TMEM175: variants seen among roughly 807,000 people sequenced by gnomAD.
The protein encoded by TMEM175 is endosomal/lysosomal proton channel TMEM175.
A neutral mutation model predicts 36.5 loss-of-function variants in TMEM175; 36 were observed. That is an observed-to-expected ratio of 0.99 (90% confidence interval 0.76 to 1.30). The LOEUF (loss-of-function observed/expected upper bound fraction) is 1.30. Among genes scored for constraint, TMEM175 ranks in the 50% most tolerant of loss-of-function variants. The probability of loss-of-function intolerance (pLI) is 0.00; values close to 1 mark genes in which losing one functional copy is unlikely to be tolerated. For synonymous variants in TMEM175, 339 were observed against 313.4 expected (o/e 1.08, Z -0.86); for missense variants, 705 against 692.8 (o/e 1.02, Z -0.20).
At position 951,225 on chromosome 4, in the gene TMEM175, G is replaced by A. The variant is rs62294485; in HGVS notation, c.309G>A (p.Gly103=). ...GGTTTAGGTTGTTCCAAGTTGTTGG[G>A]AAAACAGACGACACACTTGCCCTGC... ...AAHTRLFQVV[G]KTDDTLALLN... is the part of the protein sequence containing the mutation. The change falls in exon 5 of 11, where the codon GGG becomes GGA. Residue 103 remains glycine, a synonymous_variant. Transcript: ENST00000264771. 1 of 1,614,086 alleles carries A rather than the reference G, an allele frequency of 6.2e-7. No individual in the cohort carries two copies. Among genetic ancestry groups the A allele is most frequent in the Non-Finnish European group, 8.5e-7 (1 of 1,179,986 alleles).
intron 8 of TMEM175, among the ~76,000 whole-genome samples, chr4:953,702 T>C (rs930197582): frequency 3.3e-5 from 5 of 152,248 alleles, no homozygotes; most frequent in Admixed American, 1.3e-4. Flanking sequence ...TTTTTGTTCA[T>C]TGAGGCAAGA....
intron 1 of TMEM175, among the ~76,000 whole-genome samples, chr4:938,220 G>A (rs1727026060): frequency 6.6e-6 from 1 of 152,184 alleles, no homozygotes; most frequent in Non-Finnish European, 1.5e-5. Flanking sequence ...AAAGAGGGCT[G>A]GGGCCAGGCA....
intron 3 of TMEM175, among the ~76,000 whole-genome samples, chr4:949,180 C>T (rs556342754): frequency 9.9e-5 from 15 of 152,242 alleles, no homozygotes; most frequent in Admixed American, 2.6e-4. Context: ...CGCTGAGGTA[C>T]GGCCACATCC....
At chr4:943,980 G>T (rs1238727283) in intron 1 of TMEM175, among the ~76,000 whole-genome samples, 1 of 152,116 alleles carries the variant, frequency 6.6e-6, no homozygotes, top group Admixed American at 6.6e-5. Context: ...GTGCGATTCC[G>T]TTTATACCAC....
At chr4:933,676 A>G (rs1260826800) in intron 1 of TMEM175, among the ~76,000 whole-genome samples, 1 of 152,164 alleles carries the variant, frequency 6.6e-6, no homozygotes, top group Admixed American at 6.5e-5. Flanking sequence ...CCTGGTTCCT[A>G]TAGTCATTTA....
intron 8 of TMEM175, 74 bp from the exon 9 acceptor site, chr4:955,331 C>T: frequency 1.6e-6 from 2 of 1,233,244 alleles, no homozygotes; most frequent in Non-Finnish European, 2.4e-6. Flanking sequence ...TGCTTTGGCA[C>T]ACAGCTTTGT....
intron 6 of TMEM175, chr4:951,997 C>T (rs940752050): frequency 2.7e-5 from 16 of 587,930 alleles, no homozygotes; most frequent in South Asian, 1.4e-4. Flanking sequence ...CTGTCCCTGG[C>T]GTGCAGCCCC....
intron 5 of TMEM175, 164 bp from the exon 6 acceptor site, chr4:951,518 G>T: frequency 1.1e-6 from 1 of 895,154 alleles, no homozygotes; most frequent in Non-Finnish European, 1.8e-6. Flanking sequence ...GAGAGGATGA[G>T]TGCCCCCATC....
intron 3 of TMEM175, chr4:948,762 G>A: frequency 1.0e-6 from 1 of 972,530 alleles, no homozygotes; most frequent in Non-Finnish European, 1.3e-6. Flanking sequence ...GGGTCGTGCG[G>A]CCCAAGCTTC....
chr4:947,629 T>G (rs1728345802), intron 1 of TMEM175, 80 bp from the exon 2 acceptor site: 1 of 1,145,184 alleles, frequency 8.7e-7, no homozygotes, highest in Non-Finnish European at 1.2e-6. Context: ...CCAGTCCCTG[T>G]CCCTGCACCA....
At chr4:950,342 C>A in intron 3 of TMEM175, 79 bp from the exon 4 acceptor site, 4 of 1,207,370 alleles carry the variant, frequency 3.3e-6, no homozygotes, top group South Asian at 1.3e-5. Flanking sequence ...GGCCAGCCCC[C>A]CCTCACGGTG....
chr4:945,314 C>T (rs1728002042), intron 1 of TMEM175, among the ~76,000 whole-genome samples: 1 of 152,110 alleles, frequency 6.6e-6, no homozygotes, highest in African/African-American at 2.4e-5. Context: ...TCTGTCTCCT[C>T]ACTCCCCGCC....
chr4:948,473 C>T, intron 3 of TMEM175: 1 of 1,454,596 alleles, frequency 6.9e-7, no homozygotes, highest in Non-Finnish European at 9.1e-7. Context: ...GGTTCCGGGC[C>T]TGCCCCAAGG....
intron 1 of TMEM175, among the ~76,000 whole-genome samples, chr4:939,822 G>C (rs1384886350): frequency 6.6e-6 from 1 of 152,218 alleles, no homozygotes; most frequent in Non-Finnish European, 1.5e-5. Flanking sequence ...ACTCATGGAA[G>C]AAAATGTGTG....
chr4:952,920 C>T (rs1208547628), intron 7 of TMEM175, among the ~76,000 whole-genome samples: 2 of 152,010 alleles, frequency 1.3e-5, no homozygotes, highest in East Asian at 3.9e-4. Flanking sequence ...CCCTGAGACC[C>T]CCCACATGCG....
At position 956,371 on chromosome 4, in the gene TMEM175, C is replaced by G. The variant is rs982718554; in HGVS notation, c.842+481C>G. On this transcript the variant is annotated intron_variant, in intron 10 of 10. Transcript: ENST00000264771. ...CTTCCTTCCAGCGTCTGCTCCTCCG[C>G]GGCCTCATCTGCCTCTTCGTCTGTT... The G allele has an allele frequency of 4.2e-5, 54 of 1,290,752 alleles. No homozygotes were observed. In the African/African-American group the frequency reaches 7.3e-4, roughly 17 times the overall value. 80.0% of individuals were successfully genotyped at this position (1,290,752 alleles called of 1,614,324 possible). A position where few individuals can be genotyped will look rare whatever the true frequency, so the allele number is the denominator to read the frequency against.
At position 958,226 on chromosome 4, in the gene TMEM175, G is replaced by C; in HGVS notation, c.1245G>C (p.Glu415Asp). 8 of 1,603,080 alleles carry C rather than the reference G, an allele frequency of 5.0e-6. No individual in the cohort carries two copies. Among genetic ancestry groups the C allele is most frequent in the Non-Finnish European group, 6.8e-6 (8 of 1,176,756 alleles). Residue 415 changes from glutamate to aspartate, a missense_variant, in exon 11 of 11, where the codon GAG (glutamate) becomes GAC (aspartate). By Grantham distance (45) the Glu-to-Asp change is conservative (BLOSUM62 2). Transcript: ENST00000264771. ...LQPSVWFGGR[E>D]HVLMFAKLAL... is the part of the protein sequence containing the mutation. Reference sequence around the variant, plus strand: ...CCTCGGTGTGGTTTGGCGGCCGGGAGCATGTGCTCATGTTCGCCAAGCTGG... The same window carrying C: ...CCTCGGTGTGGTTTGGCGGCCGGGACCATGTGCTCATGTTCGCCAAGCTGG...
intron 1 of TMEM175, among the ~76,000 whole-genome samples, chr4:939,566 A>G (rs932713116): frequency 1.3e-5 from 2 of 152,160 alleles, no homozygotes; most frequent in Non-Finnish European, 1.5e-5. Flanking sequence ...AAATACAAAA[A>G]TTAGCTGGGC....
At chr4:950,558 C>T in intron 4 of TMEM175, 40 bp downstream of exon 4, 1 of 1,499,562 alleles carries the variant, frequency 6.7e-7, no homozygotes, top group African/African-American at 1.4e-5. Flanking sequence ...TAGCTGCTCT[C>T]AAGGTTCCCG....
Sources: allele counts gnomAD v4.1 joint callset (sites outside exome capture counted in the v4.1 genomes callset), GRCh38; gene constraint gnomAD v4.1.1; transcripts MANE v1.5; gene names NCBI Gene and HGNC (gene_info 2026-07-23, HGNC 2026-07-21).